USP26: variants seen among roughly 807,000 people sequenced by gnomAD.
The protein encoded by USP26 is ubiquitin carboxyl-terminal hydrolase 26.
For synonymous variants in USP26, 236 were observed against 240.6 expected (o/e 0.98, Z 0.18); for missense variants, 649 against 642.3 (o/e 1.01, Z -0.11).
At chrX:133,032,135 C>A (rs144956972) in intron 5 of USP26, among the ~76,000 whole-genome samples, 7 of 110,658 alleles carry the variant, frequency 6.3e-5, no homozygotes, top group African/African-American at 9.9e-5. Context: ...GGCAACAGAG[C>A]GAAACTCTGT....
rs1322575683 is a variant in USP26 at position 133,025,537 on chromosome X, CTT to C, written c.2682_2683del (p.Glu896ArgfsTer6). 1 of 1,209,386 alleles carries C rather than the reference CTT, an allele frequency of 8.3e-7. No individual in the cohort carries two copies. Among genetic ancestry groups the C allele is most frequent in the Non-Finnish European group, 1.1e-6 (1 of 895,087 alleles). On this transcript the variant is annotated frameshift_variant, in exon 6 of 6. Transcript: ENST00000511190. LOFTEE classifies it low-confidence loss of function (END_TRUNC). ...GCTATTAAGCTGGGCATTCTCTTCTCTTTTCAACATCTCTTCAAAGATCTCAT... is the reference window on the plus strand; with the variant it reads ...GCTATTAAGCTGGGCATTCTCTTCTCTTCAACATCTCTTCAAAGATCTCAT...
chrX:133,024,755 G>C lies in USP26; in HGVS notation c.*724C>G, dbSNP rs969026496. 1 of 111,398 alleles carries C rather than the reference G, an allele frequency of 9.0e-6. No homozygotes were observed. The highest frequency in any genetic ancestry group is 1.9e-5 in the Non-Finnish European group (1 of 53,133). The allele number at this position is 111,398 out of a possible 1,213,427, so 9.2% of individuals were successfully genotyped here. A position where few individuals can be genotyped will look rare whatever the true frequency, so the allele number is the denominator to read the frequency against. ...AATTTAAATATACAACCAAGGTAGT[G>C]TATGTAGTACAGTAGTGGTTCTCAA... On this transcript the variant is annotated 3_prime_UTR_variant, in exon 6 of 6. Coordinates refer to ENST00000511190, the MANE Select transcript of USP26 (RefSeq NM_031907.3).
intron 5 of USP26, among the ~76,000 whole-genome samples, chrX:133,032,342 C>A (rs1426432885): frequency 6.3e-5 from 7 of 111,327 alleles, no homozygotes; most frequent in Non-Finnish European, 3.8e-5. Context: ...TGAACAAATA[C>A]CTAAATGTAG....
chrX:133,034,428 T>A (rs2148526840), intron 5 of USP26, among the ~76,000 whole-genome samples: 1 of 111,751 alleles, frequency 8.9e-6, no homozygotes, highest in Non-Finnish European at 1.9e-5. Context: ...AAGGCAAGGT[T>A]AAATAAGACA....
chrX:133,058,649 T>G (rs1189878976), intron 5 of USP26, among the ~76,000 whole-genome samples: 1 of 111,870 alleles, frequency 8.9e-6, no homozygotes, highest in Non-Finnish European at 1.9e-5. Context: ...ATGAAGTACT[T>G]AAATCTTTAG....
intron 5 of USP26, among the ~76,000 whole-genome samples, chrX:133,066,499 C>A (rs1417021302): frequency 9.0e-6 from 1 of 111,601 alleles, no homozygotes; most frequent in African/African-American, 3.3e-5. Flanking sequence ...GTAACCCAAA[C>A]AGCATGGTAC....
At chrX:133,037,082 T>C (rs1024041437) in intron 5 of USP26, among the ~76,000 whole-genome samples, 3 of 112,278 alleles carry the variant, frequency 2.7e-5, no homozygotes, top group Non-Finnish European at 5.6e-5. Flanking sequence ...TAGACTTTTG[T>C]CAGATGGATA....
At chrX:133,084,565 G>T (rs1157827353) in intron 4 of USP26, among the ~76,000 whole-genome samples, 2 of 99,160 alleles carry the variant, frequency 2.0e-5, no homozygotes, top group Non-Finnish European at 4.0e-5. Context: ...CCAGGCTGGG[G>T]TGCAGTGGTG....
chrX:133,071,605 A>G (rs1160747984), intron 5 of USP26, among the ~76,000 whole-genome samples: 1 of 112,074 alleles, frequency 8.9e-6, no homozygotes, highest in African/African-American at 3.2e-5. Flanking sequence ...AAAAGGATTA[A>G]CAACATAATT....
At chrX:133,068,619 G>A (rs1357261115) in intron 5 of USP26, among the ~76,000 whole-genome samples, 1 of 112,009 alleles carries the variant, frequency 8.9e-6, no homozygotes, top group Non-Finnish European at 1.9e-5. Flanking sequence ...TTGCCTGTAG[G>A]CAGAAGGCTT....
At chrX:133,087,651 G>A (rs1193999435) in intron 4 of USP26, among the ~76,000 whole-genome samples, 1 of 112,189 alleles carries the variant, frequency 8.9e-6, no homozygotes, top group Non-Finnish European at 1.9e-5. Context: ...ATAATTTGAG[G>A]TTACTTTTAA....
chrX:133,038,747 C>T (rs2067405947), intron 5 of USP26, among the ~76,000 whole-genome samples: 2 of 112,076 alleles, frequency 1.8e-5, no homozygotes. Context: ...ATACCAGCTC[C>T]TCTTTGTACC....
chrX:133,055,085 C>A (rs2067471096), intron 5 of USP26, among the ~76,000 whole-genome samples: 1 of 112,207 alleles, frequency 8.9e-6, no homozygotes, highest in Non-Finnish European at 1.9e-5. Flanking sequence ...CAGATACATG[C>A]TCATGATGAA....
intron 5 of USP26, among the ~76,000 whole-genome samples, chrX:133,055,990 G>A (rs1014562322): frequency 1.8e-5 from 2 of 111,766 alleles, no homozygotes; most frequent in Non-Finnish European, 3.8e-5. Flanking sequence ...AATTCAGTCT[G>A]TAACAGAGGT....
chrX:133,062,864 G>A (rs2067498137), intron 5 of USP26, among the ~76,000 whole-genome samples: 1 of 111,328 alleles, frequency 9.0e-6, no homozygotes, highest in Non-Finnish European at 1.9e-5. Flanking sequence ...GCACAAAACT[G>A]GATAGAGAAA....
At chrX:133,032,742 A>AT (rs1176600163) in intron 5 of USP26, among the ~76,000 whole-genome samples, 1 of 111,834 alleles carries the variant, frequency 8.9e-6, no homozygotes, top group Non-Finnish European at 1.9e-5. Flanking sequence ...AAAAATGATT[A>AT]TAAGTACGGA....
intron 4 of USP26, among the ~76,000 whole-genome samples, chrX:133,087,539 C>T (rs1358126469): frequency 8.9e-6 from 1 of 111,758 alleles, no homozygotes; most frequent in African/African-American, 3.2e-5. Flanking sequence ...TTGACAAATG[C>T]CACATATCAG....
chrX:133,079,806 A>G (rs1450797605), intron 5 of USP26, among the ~76,000 whole-genome samples: 11 of 111,951 alleles, frequency 9.8e-5, no homozygotes, highest in African/African-American at 3.2e-4. Context: ...TGTGGCGGTA[A>G]TTGGGAAACT....
At chrX:133,093,436 A>T (rs1366453660) in intron 1 of USP26, among the ~76,000 whole-genome samples, 1 of 111,333 alleles carries the variant, frequency 9.0e-6, no homozygotes, top group African/African-American at 3.3e-5. Context: ...GGAAGAAAAA[A>T]GTTCTTGCCC....
Sources: allele counts gnomAD v4.1 joint callset (sites outside exome capture counted in the v4.1 genomes callset), GRCh38; gene constraint gnomAD v4.1.1; transcripts MANE v1.5; gene names NCBI Gene and HGNC (gene_info 2026-07-23, HGNC 2026-07-21).